RHOBTB1: variants seen among roughly 807,000 people sequenced by gnomAD.
RHOBTB1 encodes rho-related BTB domain-containing protein 1.
RHOBTB1 carries 40 observed loss-of-function variants against 71.6 expected under a neutral mutation model. That is an observed-to-expected ratio of 0.56 (90% CI 0.43 to 0.73). The LOEUF (loss-of-function observed/expected upper bound fraction) is 0.73. Ranked by LOEUF, RHOBTB1 falls within the 30% of genes least tolerant of loss-of-function variation. The probability of loss-of-function intolerance (pLI) is 0.00; values close to 1 mark genes in which losing one functional copy is unlikely to be tolerated. For synonymous variants in RHOBTB1, 319 were observed against 334.9 expected (o/e 0.95, Z 0.52); for missense variants, 797 against 894.0 (o/e 0.89, Z 1.38).
At chr10:60,862,764 TTTTTCCTC>T in the RHOBTB1 span, among the ~76,000 whole-genome samples, 1 of 150,384 alleles carries the variant, frequency 6.6e-6, no homozygotes, top group Non-Finnish European at 1.5e-5. Context: ...TCCTTCCTTC[TTTTTCCTC>T]TTTTCCTCTT....
At chr10:60,917,755 T>A (rs558884549) in intron 2 of RHOBTB1, among the ~76,000 whole-genome samples, 4 of 152,170 alleles carry the variant, frequency 2.6e-5, no homozygotes, top group Admixed American at 2.6e-4. Flanking sequence ...ATTCACCCTG[T>A]AGCACTATCT....
At chr10:60,899,356 T>A (rs952692376) in intron 4 of RHOBTB1, among the ~76,000 whole-genome samples, 1 of 152,224 alleles carries the variant, frequency 6.6e-6, no homozygotes, top group Non-Finnish European at 1.5e-5. Context: ...ATATTCCTCT[T>A]TGGCATTCCC....
At chr10:60,980,459 T>C (rs921887339) in intron 2 of RHOBTB1, among the ~76,000 whole-genome samples, 6 of 152,114 alleles carry the variant, frequency 3.9e-5, no homozygotes, top group African/African-American at 1.4e-4. Context: ...TTGTCTGGGT[T>C]GTGGAATTAA....
intron 2 of RHOBTB1, among the ~76,000 whole-genome samples, chr10:60,978,529 C>T (rs770233493): frequency 2.1e-4 from 32 of 152,082 alleles, no homozygotes; most frequent in Admixed American, 9.8e-4. Flanking sequence ...TGGGTCTCTG[C>T]GTATTGTATC....
At chr10:60,935,884 G>A (rs2134073750) in intron 2 of RHOBTB1, among the ~76,000 whole-genome samples, 1 of 152,164 alleles carries the variant, frequency 6.6e-6, no homozygotes, top group Admixed American at 6.5e-5. Context: ...CCAACTCTGT[G>A]CTCAGCCACA....
chr10:60,862,386 T>G, the RHOBTB1 span, among the ~76,000 whole-genome samples: 2 of 152,016 alleles, frequency 1.3e-5, no homozygotes, highest in South Asian at 4.1e-4. Context: ...TTAGTAGAGA[T>G]AGCGTTTCAC....
At chr10:60,935,134 T>C (rs1320067657) in intron 2 of RHOBTB1, among the ~76,000 whole-genome samples, 3 of 152,212 alleles carry the variant, frequency 2.0e-5, no homozygotes, top group Non-Finnish European at 4.4e-5. Flanking sequence ...GGACTATTTA[T>C]ACAATGGAAT....
chr10:60,887,199 T>G (rs1182306528), intron 6 of RHOBTB1, among the ~76,000 whole-genome samples: 1 of 152,212 alleles, frequency 6.6e-6, no homozygotes, highest in Non-Finnish European at 1.5e-5. Context: ...TACTGTAGGT[T>G]TGTAACATAT....
At chr10:60,888,111 T>C in intron 6 of RHOBTB1, 101 bp downstream of exon 6, 1 of 1,328,002 alleles carries the variant, frequency 7.5e-7, no homozygotes, top group South Asian at 1.5e-5. Flanking sequence ...TAAGTACGTA[T>C]AAATGTTAGC....
At chr10:60,976,609 A>G (rs187638729) in intron 2 of RHOBTB1, among the ~76,000 whole-genome samples, 215 of 152,170 alleles carry the variant, frequency 1.4e-3, no homozygotes, top group African/African-American at 5.0e-3. Flanking sequence ...TAAAACTTCT[A>G]TGCCCAATTA....
At chr10:60,886,256 C>T (rs1231909355) in intron 6 of RHOBTB1, 26 bp from the exon 7 acceptor site, 1 of 1,580,638 alleles carries the variant, frequency 6.3e-7, no homozygotes, top group South Asian at 1.1e-5. Flanking sequence ...GGAAACACAA[C>T]CATGAGCCAA....
At chr10:60,890,325 C>G (rs963642235) in intron 5 of RHOBTB1, among the ~76,000 whole-genome samples, 1 of 152,032 alleles carries the variant, frequency 6.6e-6, no homozygotes, top group Non-Finnish European at 1.5e-5. Context: ...GTCCACAGTC[C>G]TCACTGCTGC....
intron 2 of RHOBTB1, among the ~76,000 whole-genome samples, chr10:60,913,339 G>A (rs1199882733): frequency 6.6e-6 from 1 of 152,166 alleles, no homozygotes. Context: ...CTACACTGTG[G>A]AGAGGCTCAA....
chr10:60,883,619 G>A (rs1004596326), intron 7 of RHOBTB1, among the ~76,000 whole-genome samples: 1 of 152,212 alleles, frequency 6.6e-6, no homozygotes, highest in Admixed American at 6.5e-5. Context: ...GCTGAAGTCA[G>A]TCAAATACCA....
At chr10:60,876,989 A>G (rs2081080159) in intron 8 of RHOBTB1, 2 of 152,286 alleles carry the variant, frequency 1.3e-5, no homozygotes, top group Non-Finnish European at 2.9e-5. Context: ...AAGAAAGGCC[A>G]GTGAACAAGA....
upstream of RHOBTB1, among the ~76,000 whole-genome samples, chr10:60,946,923 T>A (rs1333613721): frequency 6.6e-6 from 1 of 152,146 alleles, no homozygotes; most frequent in African/African-American, 2.4e-5. Flanking sequence ...AGAAAATAAG[T>A]TGGTATCAAC....
intron 5 of RHOBTB1, among the ~76,000 whole-genome samples, chr10:60,891,890 G>A (rs180947238): frequency 4.6e-5 from 7 of 152,228 alleles, no homozygotes; most frequent in African/African-American, 1.2e-4. Flanking sequence ...TAACTGAATC[G>A]TGGGGGCGGT....
rs1564808912 is a variant in RHOBTB1 at position 60,888,377 on chromosome 10, C to T, written c.1291G>A (p.Val431Met). 6.2e-7 allele frequency: 1 copy of T among 1,614,160 alleles called. No individual in the cohort carries two copies. Among genetic ancestry groups the T allele is most frequent in the Non-Finnish European group, 8.5e-7 (1 of 1,180,028 alleles). ...GQLDEKEKDL[V>M]GLAQIAEVLE... Reference sequence around the variant, plus strand: ...ACCTCTGCGATCTGAGCCAGGCCCACCAAATCCTTTTCCTTTTCATCCAGT... The same window carrying T: ...ACCTCTGCGATCTGAGCCAGGCCCATCAAATCCTTTTCCTTTTCATCCAGT... The change falls in exon 6 of 11, where the codon GTG becomes ATG. Residue 431 changes from valine to methionine, a missense_variant. By Grantham distance (21) the Val-to-Met change is conservative (BLOSUM62 1). This residue lies in a region of RHOBTB1 where 658 missense variants were observed against 681.5 expected (regional missense o/e 0.97). Coordinates refer to ENST00000337910, the MANE Select transcript of RHOBTB1 (RefSeq NM_014836.5).
intron 8 of RHOBTB1, among the ~76,000 whole-genome samples, chr10:60,875,661 G>A (rs1052324465): frequency 3.9e-5 from 6 of 152,164 alleles, no homozygotes; most frequent in South Asian, 2.1e-4. Flanking sequence ...ATGTGATTGC[G>A]TACGTCTGTC....
Sources: allele counts gnomAD v4.1 joint callset (sites outside exome capture counted in the v4.1 genomes callset), GRCh38; gene constraint gnomAD v4.1.1; regional missense constraint gnomAD v4.1.1; transcripts MANE v1.5; gene names NCBI Gene and HGNC (gene_info 2026-07-23, HGNC 2026-07-21).